Variants in MROH1 observed in about 807,000 individuals in gnomAD.
MROH1 encodes maestro heat-like repeat-containing protein family member 1.
Under a neutral mutation model 116.5 loss-of-function variants are expected in MROH1, and 117 were observed. The observed-to-expected ratio is 1.00, with a 90% CI of 0.86 to 1.17. MROH1 has a LOEUF of 1.17. Ranked by LOEUF, MROH1 falls within the 50% of genes most tolerant of loss-of-function variation. MROH1 has a pLI of 0.00. For synonymous variants in MROH1, 921 were observed against 583.9 expected (o/e 1.58, Z -8.32); for missense variants, 1,873 against 1,338.5 (o/e 1.40, Z -6.23).
intron 20 of MROH1, 82 bp from the exon 21 acceptor site, chr8:144,240,910 C>A: frequency 1.4e-6 from 1 of 713,456 alleles, no homozygotes; most frequent in East Asian, 2.7e-5. Flanking sequence ...AGGAGGTGCA[C>A]CCCAGGGGCA....
rs1179915010 is a variant in MROH1 at position 144,244,427 on chromosome 8, C to T, written c.2671-17C>T. 1.1e-5 allele frequency: 8 copies of T among 744,244 alleles called. No individual in the cohort carries two copies. Among genetic ancestry groups the T allele is most frequent in the African/African-American group, 1.7e-5 (1 of 58,214 alleles). 46.1% of individuals were successfully genotyped at this position (744,244 alleles called of 1,614,324 possible). ...CGGGGTCACTGGTGGGGCTGGACGG[C>T]CTGGCTCTCCTTCCAGTCCCTGTAT... is the stretch of plus-strand genomic sequence containing the variant. On this transcript the variant is annotated splice_polypyrimidine_tract_variant and intron_variant, in intron 27 of 43. Transcript: ENST00000326134.
At chr8:144,256,918 G>A (rs927912175) in intron 35 of MROH1, among the ~76,000 whole-genome samples, 21 of 152,232 alleles carry the variant, frequency 1.4e-4, no homozygotes, top group Non-Finnish European at 2.2e-4. Context: ...TGCAGGGCTC[G>A]AGGCCTGGAG....
Position 144,179,672 on chromosome 8 carries a change from G to A in MROH1, c.300+86G>A, listed in dbSNP as rs532522450. ...CTTGGCCTTTCTACCCAGCAGCCTT[G>A]AGAGTATAGGGTGGTGTTTGGCTGC... On this transcript the variant is annotated intron_variant, in intron 5 of 43. Transcript: ENST00000326134. 40 of 1,514,030 alleles carry A rather than the reference G, an allele frequency of 2.6e-5. No individual in the cohort carries two copies. In the East Asian group the frequency reaches 9.8e-4, roughly 37 times the overall value. 93.8% of individuals were successfully genotyped at this position (1,514,030 alleles called of 1,614,324 possible).
Position 144,239,176 on chromosome 8 carries a change from C to A in MROH1, c.1588C>A (p.His530Asn). 1 of 762,956 alleles carries A rather than the reference C, an allele frequency of 1.3e-6. No homozygotes were observed. The allele number at this position is 762,956 out of a possible 1,614,324, so 47.3% of individuals were successfully genotyped here. A position where few individuals can be genotyped will look rare whatever the true frequency, so the allele number is the denominator to read the frequency against. ...ADAFLIQYDA[H>N]ASLPSPYAVT... ...CGCCTTCCTCATCCAGTACGACGCCCATGGTGCGTGCCGCGCCGTACCCCA... is the reference window on the plus strand; with the variant it reads ...CGCCTTCCTCATCCAGTACGACGCCAATGGTGCGTGCCGCGCCGTACCCCA... Residue 530 changes from histidine to asparagine, a missense_variant, in exon 16 of 44, where the codon CAT becomes AAT. Coordinates refer to ENST00000326134, the MANE Select transcript of MROH1 (RefSeq NM_032450.3).
At chr8:144,224,892 C>A (rs921895957) in intron 14 of MROH1, among the ~76,000 whole-genome samples, 55 of 152,202 alleles carry the variant, frequency 3.6e-4, no homozygotes, top group African/African-American at 1.3e-3. Flanking sequence ...GAGGAGAAGA[C>A]AAATCAGGGA....
At chr8:144,258,069 G>A (rs1844243106) in intron 35 of MROH1, among the ~76,000 whole-genome samples, 1 of 152,226 alleles carries the variant, frequency 6.6e-6, no homozygotes, top group African/African-American at 2.4e-5. Flanking sequence ...GCTCATCTGA[G>A]CCGATGGTCG....
chr8:144,236,495 C>T (rs916174055), intron 14 of MROH1, among the ~76,000 whole-genome samples: 1 of 152,262 alleles, frequency 6.6e-6, no homozygotes, highest in South Asian at 2.1e-4. Flanking sequence ...AATCCCAGCA[C>T]TTTGGGAGGC....
intron 12 of MROH1, among the ~76,000 whole-genome samples, chr8:144,209,287 C>A (rs781719643): frequency 6.6e-6 from 1 of 151,880 alleles, no homozygotes; most frequent in East Asian, 1.9e-4. Context: ...ATTGAAAAAT[C>A]GTTAGTATAG....
chr8:144,184,459 T>C (rs1826444629), intron 7 of MROH1, among the ~76,000 whole-genome samples: 1 of 151,922 alleles, frequency 6.6e-6, no homozygotes, highest in African/African-American at 2.4e-5. Context: ...GTCACATAAT[T>C]TGGATTGATG....
chr8:144,171,547 T>A (rs571041928), intron 4 of MROH1, among the ~76,000 whole-genome samples: 6 of 152,194 alleles, frequency 3.9e-5, no homozygotes, highest in South Asian at 2.1e-4. Flanking sequence ...GAGGGCCATA[T>A]ACCGGTTAAA....
intron 22 of MROH1, 83 bp from the exon 23 acceptor site, chr8:144,242,286 T>A: frequency 1.3e-6 from 1 of 778,360 alleles, no homozygotes; most frequent in Admixed American, 1.7e-5. Context: ...TCTGGGAGGA[T>A]TTCAGGAGTT....
intron 14 of MROH1, among the ~76,000 whole-genome samples, chr8:144,230,343 G>A (rs1163382152): frequency 6.6e-6 from 1 of 152,134 alleles, no homozygotes; most frequent in African/African-American, 2.4e-5. Flanking sequence ...AGGCTGTTTT[G>A]TTTTCTTATC....
At chr8:144,237,437 C>T (rs1054530407) in intron 14 of MROH1, among the ~76,000 whole-genome samples, 1 of 152,358 alleles carries the variant, frequency 6.6e-6, no homozygotes, top group East Asian at 1.9e-4. Flanking sequence ...CTCTGCTCTG[C>T]GGACCCTTCC....
intron 19 of MROH1, 100 bp downstream of exon 19, chr8:144,240,253 C>T (rs1840742324): frequency 7.7e-6 from 5 of 646,186 alleles, no homozygotes; most frequent in Non-Finnish European, 8.5e-6. Flanking sequence ...GACCTCACCT[C>T]GTGGTTTGGC....
chr8:144,155,833 ATG>A (rs1817911062), intron 1 of MROH1, among the ~76,000 whole-genome samples: 1 of 151,820 alleles, frequency 6.6e-6, no homozygotes, highest in Non-Finnish European at 1.5e-5. Context: ...GGGTTTCAAC[ATG>A]TTGGCCACAC....
intron 35 of MROH1, 149 bp downstream of exon 35, chr8:144,255,854 G>A (rs1226958540): frequency 1.6e-6 from 1 of 626,984 alleles, no homozygotes; most frequent in Non-Finnish European, 2.9e-6. Context: ...TCACCCAGGT[G>A]CAGGGCTGAG....
rs1841422392 is a variant in MROH1, at chr8:144,243,852, G to A, written c.2476-11G>A. Reference sequence around the variant, plus strand: ...CCTCCAAGGGCTGAGTCATGCACCTGCCTCACCCAGGAGTTCATCAGGGCA... The same window carrying A: ...CCTCCAAGGGCTGAGTCATGCACCTACCTCACCCAGGAGTTCATCAGGGCA... On this transcript the variant is annotated splice_polypyrimidine_tract_variant and intron_variant, in intron 25 of 43. Transcript: ENST00000326134. 3 of 777,618 alleles carry A rather than the reference G, an allele frequency of 3.9e-6. No homozygotes were observed. The South Asian group carries it at 4.1e-5, about 11-fold the overall frequency. The allele number at this position is 777,618 out of a possible 1,614,324, so 48.2% of individuals were successfully genotyped here. A position where few individuals can be genotyped will look rare whatever the true frequency, so the allele number is the denominator to read the frequency against.
chr8:144,223,003 T>G, intron 13 of MROH1, 105 bp from the exon 14 acceptor site: 4 of 1,498,344 alleles, frequency 2.7e-6, no homozygotes, highest in Non-Finnish European at 2.7e-6. Flanking sequence ...TGTGGGCACA[T>G]GTGTGGATGT....
chr8:144,188,865 GCCTGCAC>G (rs972638452), intron 7 of MROH1, among the ~76,000 whole-genome samples: 1 of 152,088 alleles, frequency 6.6e-6, no homozygotes, highest in Non-Finnish European at 1.5e-5. Flanking sequence ...GACTAGGCCA[GCCTGCAC>G]CTCTGAGCTG....
Sources: allele counts gnomAD v4.1 joint callset (sites outside exome capture counted in the v4.1 genomes callset), GRCh38; gene constraint gnomAD v4.1.1; transcripts MANE v1.5; gene names NCBI Gene and HGNC (gene_info 2026-07-23, HGNC 2026-07-21).